The following FOXP2 variants were observed in gnomAD, a reference collection of about 807,000 sequenced individuals.
FOXP2 encodes the protein forkhead box protein P2.
A neutral mutation model predicts 115.8 loss-of-function variants in FOXP2; 12 were observed. The ratio of observed to expected loss-of-function variants is 0.10; its 90% CI spans 0.07 to 0.17. The LOEUF (loss-of-function observed/expected upper bound fraction) is 0.17, where lower values mean the gene tolerates loss of function less well. FOXP2 is among the 10% of genes least tolerant of loss of function. The probability of loss-of-function intolerance (pLI) is 1.00; values close to 1 mark genes in which losing one functional copy is unlikely to be tolerated. For synonymous variants in FOXP2, 328 were observed against 297.7 expected (o/e 1.10, Z -1.05); for missense variants, 629 against 843.5 (o/e 0.75, Z 3.15).
chr7:114,502,333 G>A (rs541968591), intron 2 of FOXP2, among the ~76,000 whole-genome samples: 64 of 152,130 alleles, frequency 4.2e-4, no homozygotes, highest in African/African-American at 1.4e-3. Flanking sequence ...TTAAAAGTAG[G>A]ATGGAATGTT....
chr7:114,324,201 A>C (rs1177123129), intron 2 of FOXP2, among the ~76,000 whole-genome samples: 1 of 151,782 alleles, frequency 6.6e-6, no homozygotes, highest in East Asian at 1.9e-4. Context: ...ATTTCTTTCA[A>C]ATGTGTTTAT....
intron 2 of FOXP2, among the ~76,000 whole-genome samples, chr7:114,465,263 C>G (rs1395123339): frequency 6.6e-6 from 1 of 152,112 alleles, no homozygotes; most frequent in Admixed American, 6.6e-5. Context: ...CAACGTCTAG[C>G]CTTTGTTCTT....
chr7:114,593,978 A>G (rs1203652786), intron 3 of FOXP2, among the ~76,000 whole-genome samples: 4 of 152,036 alleles, frequency 2.6e-5, no homozygotes, highest in African/African-American at 9.7e-5. Flanking sequence ...CCGTGTCTAT[A>G]TTGGAAGCAT....
At chr7:114,320,725 C>G (rs527765365) in intron 2 of FOXP2, among the ~76,000 whole-genome samples, 1 of 152,226 alleles carries the variant, frequency 6.6e-6, no homozygotes, top group South Asian at 2.1e-4. Flanking sequence ...CTTAAGTTAC[C>G]TTGACCAATC....
chr7:114,495,795 C>A (rs933977213), intron 2 of FOXP2, among the ~76,000 whole-genome samples: 1 of 152,110 alleles, frequency 6.6e-6, no homozygotes, highest in Non-Finnish European at 1.5e-5. Context: ...GCATAAGCAA[C>A]CATGCCCGGC....
chr7:114,520,523 A>G (rs1272840506), intron 2 of FOXP2, among the ~76,000 whole-genome samples: 1 of 152,144 alleles, frequency 6.6e-6, no homozygotes, highest in East Asian at 1.9e-4. Context: ...AGTTACATTA[A>G]TAAATATTAA....
chr7:114,142,318 G>T (rs1165238234), intron 1 of FOXP2, among the ~76,000 whole-genome samples: 1 of 151,988 alleles, frequency 6.6e-6, no homozygotes, highest in Non-Finnish European at 1.5e-5. Flanking sequence ...CACTGCACCT[G>T]GCTAGATTTT....
At chr7:114,102,609 C>T (rs1791006694) in intron 1 of FOXP2, among the ~76,000 whole-genome samples, 1 of 150,494 alleles carries the variant, frequency 6.6e-6, no homozygotes, top group Non-Finnish European at 1.5e-5. Context: ...AAAAAAAACC[C>T]ATTCTTACCT....
intron 16 of FOXP2, among the ~76,000 whole-genome samples, chr7:114,680,779 A>G (rs1244347651): frequency 6.6e-6 from 1 of 152,074 alleles, no homozygotes. Context: ...AAAGTAGTGC[A>G]TAAATTTCAA....
chr7:114,323,662 G>A (rs188236801), intron 2 of FOXP2, among the ~76,000 whole-genome samples: 4 of 152,036 alleles, frequency 2.6e-5, no homozygotes, highest in African/African-American at 9.6e-5. Context: ...CTATAGATTA[G>A]CCATTTGAAA....
At chr7:114,227,798 A>G (rs1794778410) in intron 1 of FOXP2, among the ~76,000 whole-genome samples, 1 of 152,032 alleles carries the variant, frequency 6.6e-6, no homozygotes, top group Non-Finnish European at 1.5e-5. Flanking sequence ...CTAGACATGA[A>G]GCAGCGTTAA....
intron 3 of FOXP2, among the ~76,000 whole-genome samples, chr7:114,560,128 T>C (rs1398679952): frequency 6.6e-6 from 1 of 152,190 alleles, no homozygotes; most frequent in Non-Finnish European, 1.5e-5. Flanking sequence ...GGAATGAGTA[T>C]ATAGTGTTAA....
intron 2 of FOXP2, among the ~76,000 whole-genome samples, chr7:114,458,305 CT>C (rs1416383988): frequency 1.3e-5 from 2 of 151,732 alleles, no homozygotes; most frequent in Non-Finnish European, 2.9e-5. Context: ...TTTCAATATA[CT>C]TTTTTATGAT....
chr7:114,224,605 T>G (rs1794704580), intron 1 of FOXP2, among the ~76,000 whole-genome samples: 1 of 152,208 alleles, frequency 6.6e-6, no homozygotes, highest in South Asian at 2.1e-4. Flanking sequence ...TTTTTATTCC[T>G]TGTTTCTCAG....
chr7:114,282,629 A>G (rs1173217324), intron 1 of FOXP2, among the ~76,000 whole-genome samples: 2 of 152,138 alleles, frequency 1.3e-5, no homozygotes, highest in Non-Finnish European at 2.9e-5. Flanking sequence ...TGTGACTACT[A>G]TGTGCCAGGG....
At chr7:114,481,130 C>CAAT (rs139016400) in intron 2 of FOXP2, among the ~76,000 whole-genome samples, 3,658 of 151,188 alleles carry the variant, frequency 0.024, 109 homozygotes, top group African/African-American at 0.07. Flanking sequence ...TATTTTAACT[C>CAAT]AACAAGTTTG....
Position 114,690,043 on chromosome 7 carries a change from G to C in FOXP2, c.*117G>C. The C allele has an allele frequency of 7.7e-7, 1 of 1,299,588 alleles. No homozygotes were observed. The highest frequency in any genetic ancestry group is 1.1e-6 in the Non-Finnish European group (1 of 912,320). 80.5% of individuals were successfully genotyped at this position (1,299,588 alleles called of 1,614,324 possible). A position where few individuals can be genotyped will look rare whatever the true frequency, so the allele number is the denominator to read the frequency against. ...GACTATTTATTAAGCATGGATAAAG[G>C]AGACAGCCCTAAAGGAACTTACTAA... On this transcript the variant is annotated 3_prime_UTR_variant, in exon 17 of 17. Transcript: ENST00000350908.
chr7:114,678,462 C>G (rs962763987), intron 16 of FOXP2, among the ~76,000 whole-genome samples: 4 of 150,242 alleles, frequency 2.7e-5, no homozygotes, highest in African/African-American at 9.8e-5. Context: ...AGATGCTTAG[C>G]AAGACCCTCA....
intron 3 of FOXP2, among the ~76,000 whole-genome samples, chr7:114,555,209 C>G (rs1031063875): frequency 6.6e-6 from 1 of 152,130 alleles, no homozygotes; most frequent in Non-Finnish European, 1.5e-5. Flanking sequence ...TCTTTCATTT[C>G]ACAGAATAGG....
Sources: allele counts gnomAD v4.1 joint callset (sites outside exome capture counted in the v4.1 genomes callset), GRCh38; gene constraint gnomAD v4.1.1; transcripts MANE v1.5; gene names NCBI Gene and HGNC (gene_info 2026-07-23, HGNC 2026-07-21).